The following PARG variants were observed in gnomAD, a reference collection of about 807,000 sequenced individuals.
The protein encoded by PARG is poly(ADP-ribose) glycohydrolase, also known as mitochondrial poly(ADP-ribose) glycohydrolase.
PARG carries 35 observed loss-of-function variants against 113.0 expected under a neutral mutation model. That is an observed-to-expected ratio of 0.31 (90% CI 0.24 to 0.41). The LOEUF (loss-of-function observed/expected upper bound fraction) is 0.41. Among genes scored for constraint, PARG ranks in the 10% least tolerant of loss-of-function variants. The pLI is 1.00. For missense variants in PARG, 797 were observed against 1,169.4 expected, an observed-to-expected ratio of 0.68 and a Z score of 4.64; for synonymous variants, 330 against 409.9, an observed-to-expected ratio of 0.81 and a Z score of 2.36.
At position 49,836,307 on chromosome 10, in the gene PARG, C is replaced by CTTTTTTTTTTTTTTTTTTTTTTTTTTTT. The variant is rs1168567519; in HGVS notation, c.2542-3427_2542-3400dup. ...TTTAGTATTCTCTGATTTCTTACGA[C>CTTTTTTTTTTTTTTTTTTTTTTTTTTTT]TTTTTTTTTTTTTTTTTTTTTTTTT... On this transcript the variant is annotated intron_variant, in intron 15 of 17. Transcript: ENST00000616448. 2.7e-4 allele frequency among the ~76,000 whole-genome samples: 13 copies of CTTTTTTTTTTTTTTTTTTTTTTTTTTTT among 48,004 alleles called. 6 individuals are homozygous for CTTTTTTTTTTTTTTTTTTTTTTTTTTTT. The highest frequency in any genetic ancestry group is 4.0e-4 in the Non-Finnish European group (11 of 27,660). The allele number at this position is 48,004 out of a possible 152,430, so 31.5% of individuals were successfully genotyped here.
intron 7 of PARG, among the ~76,000 whole-genome samples, chr10:49,902,098 T>C (rs1397283927): frequency 6.6e-6 from 1 of 152,226 alleles, no homozygotes; most frequent in Admixed American, 6.5e-5. Flanking sequence ...ATGTAGTCTT[T>C]CTTGATACCC....
chr10:49,861,185 C>T (rs1846232843), intron 12 of PARG, among the ~76,000 whole-genome samples: 1 of 152,000 alleles, frequency 6.6e-6, no homozygotes, highest in African/African-American at 2.4e-5. Flanking sequence ...AAAACATCTC[C>T]ATCTGGTCAT....
Position 49,907,140 on chromosome 10 carries a change from C to T in PARG, c.1737+8777G>A, listed in dbSNP as rs61846928. 3.4e-3 allele frequency among the ~76,000 whole-genome samples: 525 copies of T among 152,248 alleles called. 4 individuals are homozygous for T. Among genetic ancestry groups the T allele is most frequent in the Middle Eastern group, 6.8e-3 (2 of 294 alleles). ...TGAAAATATTCCATATTTCATTATG[C>T]TGGAAATGGCCCTTGTGGCAGAAAA... On this transcript the variant is annotated intron_variant, in intron 7 of 17. Transcript: ENST00000616448.
At chr10:49,941,389 C>T (rs1839053327) in intron 1 of PARG, 120 bp downstream of exon 1, 1 of 860,074 alleles carries the variant, frequency 1.2e-6, no homozygotes, top group Admixed American at 2.0e-5. Flanking sequence ...AGCAAGTGGA[C>T]CTCAAGAGTG....
At chr10:49,913,989 G>C (rs1837334327) in intron 7 of PARG, among the ~76,000 whole-genome samples, 1 of 147,536 alleles carries the variant, frequency 6.8e-6, no homozygotes, top group African/African-American at 2.5e-5. Flanking sequence ...ATCAGCACCT[G>C]AGTAATCATC....
At chr10:49,859,559 T>C (rs1846158139) in intron 12 of PARG, among the ~76,000 whole-genome samples, 1 of 152,162 alleles carries the variant, frequency 6.6e-6, no homozygotes, top group African/African-American at 2.4e-5. Flanking sequence ...AGTATAATGA[T>C]ATTGTGACTA....
In PARG at chr10:49,857,009, CAAAA is replaced by C. The variant is rs71270682; in HGVS notation, c.2353+293_2353+296del. Among the ~76,000 whole-genome samples, 528 of 74,582 alleles carry C rather than the reference CAAAA, an allele frequency of 7.1e-3. 4 individuals carry two copies. Among genetic ancestry groups the C allele is most frequent in the South Asian group, 0.049 (101 of 2,078 alleles). 48.9% of individuals were successfully genotyped at this position (74,582 alleles called of 152,430 possible). A position where few individuals can be genotyped will look rare whatever the true frequency, so the allele number is the denominator to read the frequency against. ...GGGCAACAACAGCAAACCTCTGTCT[CAAAA>C]AAAAAAAAAAAAAAAAAAAAATTCA... On this transcript the variant is annotated intron_variant, in intron 13 of 17. Transcript: ENST00000616448.
chr10:49,879,997 G>C (rs1287848912), intron 8 of PARG, among the ~76,000 whole-genome samples, 167 bp from the exon 9 acceptor site: 6 of 150,432 alleles, frequency 4.0e-5, no homozygotes, highest in Admixed American at 6.6e-5. Context: ...CTGTTTATCA[G>C]GGATGATTCA....
chr10:49,834,278 C>A (rs186943657), intron 15 of PARG, among the ~76,000 whole-genome samples: 2 of 152,110 alleles, frequency 1.3e-5, no homozygotes, highest in East Asian at 3.9e-4. Flanking sequence ...ATAACTTTGC[C>A]GCTTTGTTTC....
At chr10:49,938,743 A>G (rs1284475224) in intron 1 of PARG, among the ~76,000 whole-genome samples, 4 of 152,166 alleles carry the variant, frequency 2.6e-5, no homozygotes, top group Non-Finnish European at 5.9e-5. Flanking sequence ...TAGCGATTTC[A>G]GTCAATACAA....
At chr10:49,887,048 CTTTT>C (rs1317586482) in intron 7 of PARG, among the ~76,000 whole-genome samples, 2 of 139,126 alleles carry the variant, frequency 1.4e-5, no homozygotes, top group Non-Finnish European at 1.6e-5. Context: ...TATAATTTAT[CTTTT>C]TTTTTTTTTT....
At chr10:49,896,550 G>A (rs1189224014) in intron 7 of PARG, among the ~76,000 whole-genome samples, 5 of 152,140 alleles carry the variant, frequency 3.3e-5, no homozygotes, top group African/African-American at 1.2e-4. Flanking sequence ...CTCCCAGAGT[G>A]TTAGGATTAC....
At chr10:49,869,060 A>C (rs1257763659) in intron 10 of PARG, among the ~76,000 whole-genome samples, 3 of 151,108 alleles carry the variant, frequency 2.0e-5, no homozygotes, top group South Asian at 2.1e-4. Context: ...AGAACTCCAC[A>C]AAGGGCTTAG....
intron 7 of PARG, among the ~76,000 whole-genome samples, chr10:49,892,936 T>C (rs1847881674): frequency 6.6e-6 from 1 of 152,210 alleles, no homozygotes; most frequent in Non-Finnish European, 1.5e-5. Flanking sequence ...ACAAAAATTA[T>C]TTTATGGTAT....
chr10:49,890,786 TTGAA>T (rs781821257), intron 7 of PARG, among the ~76,000 whole-genome samples: 12 of 152,204 alleles, frequency 7.9e-5, no homozygotes, highest in Non-Finnish European at 1.5e-4. Context: ...TCTTCTTTCT[TTGAA>T]TATCTGATTA....
chr10:49,821,149 T>C (rs1436248018), intron 16 of PARG, among the ~76,000 whole-genome samples: 1 of 152,098 alleles, frequency 6.6e-6, no homozygotes, highest in African/African-American at 2.4e-5. Flanking sequence ...AGTCACTCTC[T>C]GGTGTGTTAT....
intron 7 of PARG, among the ~76,000 whole-genome samples, chr10:49,901,932 A>G (rs1399060070): frequency 1.3e-5 from 2 of 152,192 alleles, no homozygotes; most frequent in African/African-American, 2.4e-5. Context: ...AAAATGTTCT[A>G]TATCTGTGCT....
chr10:49,927,639 AG>A (rs1554851000), intron 4 of PARG, among the ~76,000 whole-genome samples: 1 of 152,136 alleles, frequency 6.6e-6, no homozygotes, highest in East Asian at 1.9e-4. Context: ...ACGGAGCCAA[AG>A]GATGAGTATA....
chr10:49,842,004 G>GA lies in PARG; in HGVS notation c.2486dup (p.Arg830GlnfsTer10). ...GCACAAACTGATCGAGGTAGCGTCT[G>GA]AAGTGAAGAGCATCGATGGCAACGA... On this transcript the variant is annotated frameshift_variant, in exon 15 of 18. Transcript: ENST00000616448. LOFTEE classifies it high-confidence loss of function. 6.5e-7 allele frequency: 1 copy of GA among 1,550,354 alleles called. No homozygotes were observed. Among genetic ancestry groups the GA allele is most frequent in the Non-Finnish European group, 8.7e-7 (1 of 1,146,888 alleles).
Sources: allele counts gnomAD v4.1 joint callset (sites outside exome capture counted in the v4.1 genomes callset), GRCh38; gene constraint gnomAD v4.1.1; transcripts MANE v1.5; gene names NCBI Gene and HGNC (gene_info 2026-07-23, HGNC 2026-07-21).